Variants in NRXN3 observed in about 807,000 individuals in gnomAD.
The protein encoded by NRXN3 is neurexin III.
NRXN3 carries 32 observed loss-of-function variants against 137.6 expected under a neutral mutation model. That is an observed-to-expected ratio of 0.23 (90% CI 0.18 to 0.31). The LOEUF is 0.31. Among genes scored for constraint, NRXN3 ranks in the 10% least tolerant of loss-of-function variants. The pLI is 1.00. For missense variants in NRXN3, 1,574 were observed against 2,062.5 expected (o/e 0.76, Z 4.59); for synonymous variants, 798 against 784.5 (o/e 1.02, Z -0.29).
At chr14:78,527,495 G>T (rs1038127447) in intron 4 of NRXN3, among the ~76,000 whole-genome samples, 1 of 152,128 alleles carries the variant, frequency 6.6e-6, no homozygotes, top group Non-Finnish European at 1.5e-5. Context: ...CTCCCACCAG[G>T]ACCCACCTCC....
At chr14:79,002,063 C>T (rs75760669) in intron 15 of NRXN3, among the ~76,000 whole-genome samples, 5,979 of 152,226 alleles carry the variant, frequency 0.039, 336 homozygotes, top group African/African-American at 0.12. Context: ...TTTGTGCTTA[C>T]TATAGTTTCC....
At chr14:79,851,654 C>A (rs917221248) in intron 20 of NRXN3, among the ~76,000 whole-genome samples, 9 of 152,100 alleles carry the variant, frequency 5.9e-5, no homozygotes, top group Admixed American at 4.6e-4. Context: ...CTTTGTGGTT[C>A]GCCTACCTGG....
chr14:78,581,528 T>TCACATTGG (rs1276933891), intron 4 of NRXN3, among the ~76,000 whole-genome samples: 1 of 152,240 alleles, frequency 6.6e-6, no homozygotes, highest in Non-Finnish European at 1.5e-5. Context: ...TTAATACTTA[T>TCACATTGG]CACATTGGTG....
At chr14:79,254,356 A>G (rs1352828140) in intron 15 of NRXN3, among the ~76,000 whole-genome samples, 1 of 152,164 alleles carries the variant, frequency 6.6e-6, no homozygotes, top group Non-Finnish European at 1.5e-5. Flanking sequence ...TAAAGAAAGA[A>G]CAATTTGGTC....
chr14:79,290,694 G>A lies in NRXN3; in HGVS notation c.3263-176527G>A, dbSNP rs1284074305. Among the ~76,000 whole-genome samples the A allele has an allele frequency of 4.0e-5, 6 of 149,928 alleles. No homozygotes were observed. The East Asian group carries it at 5.9e-4, about 15-fold the overall frequency. Reference sequence around the variant, plus strand: ...AAAAAAAAAAAAAAATAGCCACCACGCTGGTTGAAAATTTTAAAAATGCGT... The same window carrying A: ...AAAAAAAAAAAAAAATAGCCACCACACTGGTTGAAAATTTTAAAAATGCGT... On this transcript the variant is annotated intron_variant, in intron 15 of 20. Transcript: ENST00000335750.
chr14:78,503,252 A>C (rs1342997669), intron 4 of NRXN3, among the ~76,000 whole-genome samples: 1 of 152,196 alleles, frequency 6.6e-6, no homozygotes, highest in East Asian at 1.9e-4. Flanking sequence ...AGCTACTTGT[A>C]TAAATTAAAA....
At chr14:78,888,872 C>CACACACACACA (rs58407190) in intron 10 of NRXN3, among the ~76,000 whole-genome samples, 2 of 150,522 alleles carry the variant, frequency 1.3e-5, no homozygotes, top group African/African-American at 2.5e-5. Context: ...CACACACACA[C>CACACACACACA]CCCAGATTTG....
chr14:78,532,375 TTGTGTGTGTGTGTGTGTGTGTG>T (rs56788209), intron 4 of NRXN3, among the ~76,000 whole-genome samples: 4 of 138,586 alleles, frequency 2.9e-5, no homozygotes, highest in Non-Finnish European at 6.2e-5. Context: ...TGATGATATT[TTGTGTGTGTGTGTGTGTGTGTG>T]TGTGTGTGTG....
intron 1 of NRXN3, among the ~76,000 whole-genome samples, chr14:78,198,978 A>AC (rs2061451216): frequency 6.6e-6 from 1 of 152,186 alleles, no homozygotes; most frequent in South Asian, 2.1e-4. Flanking sequence ...AAAACCTCTG[A>AC]CCAGTTTCTG....
rs191988198 is a variant in NRXN3 at position 79,617,702 on chromosome 14, C to T, written c.3445-46076C>T. Among the ~76,000 whole-genome samples the T allele has an allele frequency of 1.3e-3, 193 of 151,794 alleles. 1 individual carries two copies. Among genetic ancestry groups the T allele is most frequent in the African/African-American group, 4.3e-3 (177 of 41,346 alleles). ...ATGTGACTAAAACCAGTTGAGTTTG[C>T]GAAAGGGATGTAGAAAGAGACAATT... is the stretch of plus-strand genomic sequence containing the variant. On this transcript the variant is annotated intron_variant, in intron 16 of 20. Transcript: ENST00000335750.
intron 15 of NRXN3, among the ~76,000 whole-genome samples, chr14:79,425,019 G>A (rs899467373): frequency 6.6e-6 from 1 of 152,082 alleles, no homozygotes; most frequent in Admixed American, 6.5e-5. Flanking sequence ...TAGGGTGGTT[G>A]GTAAAACATC....
At chr14:79,083,792 A>G (rs2047537840) in intron 15 of NRXN3, among the ~76,000 whole-genome samples, 1 of 152,234 alleles carries the variant, frequency 6.6e-6, no homozygotes, top group Non-Finnish European at 1.5e-5. Context: ...GTTTTACATA[A>G]AACAGTTTTT....
chr14:78,707,087 C>T (rs565072369), intron 6 of NRXN3, among the ~76,000 whole-genome samples: 2 of 152,146 alleles, frequency 1.3e-5, no homozygotes, highest in African/African-American at 4.8e-5. Flanking sequence ...CAAATAGCTG[C>T]GACTTTTGTG....
At chr14:79,841,013 A>T (rs2099354755) in intron 20 of NRXN3, among the ~76,000 whole-genome samples, 1 of 152,156 alleles carries the variant, frequency 6.6e-6, no homozygotes, top group African/African-American at 2.4e-5. Flanking sequence ...TAGTTTACAA[A>T]AATTAAATAA....
intron 1 of NRXN3, among the ~76,000 whole-genome samples, chr14:78,233,600 T>G (rs2065760901): frequency 6.6e-6 from 1 of 150,622 alleles, no homozygotes; most frequent in Non-Finnish European, 1.5e-5. Flanking sequence ...ATAAATACTC[T>G]CTGTAGAACT....
At position 78,832,680 on chromosome 14, in the gene NRXN3, T is replaced by C. The variant is rs974331193; in HGVS notation, c.2275+22336T>C. On this transcript the variant is annotated intron_variant, in intron 10 of 20. Transcript: ENST00000335750. ...CCATTGTAAGCAAAAGACATCTCCT[T>C]GAATATTTCCTGCTAACTGTCAAAA... Among the ~76,000 whole-genome samples the C allele has an allele frequency of 1.7e-4, 26 of 152,168 alleles. 1 individual carries two copies. Among genetic ancestry groups the C allele is most frequent in the Admixed American group, 3.3e-4 (5 of 15,274 alleles).
At chr14:79,016,015 CT>C (rs1428315417) in intron 15 of NRXN3, among the ~76,000 whole-genome samples, 1 of 152,092 alleles carries the variant, frequency 6.6e-6, no homozygotes, top group East Asian at 1.9e-4. Flanking sequence ...TTTTTCTTGG[CT>C]GCTGGTGACT....
At chr14:78,972,427 G>A (rs2099445310) in intron 14 of NRXN3, among the ~76,000 whole-genome samples, 1 of 152,138 alleles carries the variant, frequency 6.6e-6, no homozygotes, top group Non-Finnish European at 1.5e-5. Flanking sequence ...TTCCTGGGTG[G>A]CATTTGCAAG....
intron 1 of NRXN3, among the ~76,000 whole-genome samples, chr14:78,176,099 C>T (rs1276586559): frequency 2.3e-4 from 35 of 152,132 alleles, no homozygotes; most frequent in Non-Finnish European, 1.5e-4. Flanking sequence ...GTTTTCTTCT[C>T]TAGCACTTGT....
Sources: allele counts gnomAD v4.1 joint callset (sites outside exome capture counted in the v4.1 genomes callset), GRCh38; gene constraint gnomAD v4.1.1; transcripts MANE v1.5; gene names NCBI Gene and HGNC (gene_info 2026-07-23, HGNC 2026-07-21).